ADD2: variants seen among roughly 807,000 people sequenced by gnomAD.
ADD2 encodes beta-adducin.
In ADD2, 23 loss-of-function variants were observed where a neutral mutation model predicts 83.0. The observed-to-expected ratio is 0.28, with a 90% confidence interval of 0.20 to 0.39. The LOEUF is 0.39. ADD2 is among the 10% of genes least tolerant of loss of function. The probability of loss-of-function intolerance (pLI) is 1.00; values close to 1 mark genes in which losing one functional copy is unlikely to be tolerated. For synonymous variants in ADD2, 375 were observed against 375.4 expected, an observed-to-expected ratio of 1.00 and a Z score of 0.01; for missense variants, 758 against 944.9, an observed-to-expected ratio of 0.80 and a Z score of 2.59.
intron 1 of ADD2, among the ~76,000 whole-genome samples, chr2:70,752,505 A>G (rs1231016116): frequency 6.6e-6 from 1 of 152,202 alleles, no homozygotes; most frequent in Non-Finnish European, 1.5e-5. Context: ...AGCTACTACT[A>G]TTATAATGGA....
At position 70,690,862 on chromosome 2, in the gene ADD2, T is replaced by C. The variant is rs1553371437; in HGVS notation, c.773A>G (p.Tyr258Cys). ...CTCCATTTCCCCATTGAAGTCATAATAGGCCATGTCCCCCACCAGCAGGGC... is the reference window on the plus strand; with the variant it reads ...CTCCATTTCCCCATTGAAGTCATAACAGGCCATGTCCCCCACCAGCAGGGC... ...HNALLVGDMAYYDFNGEMEQE... is the reference protein window; with the variant it reads ...HNALLVGDMACYDFNGEMEQE... The change falls in exon 8 of 16, where the codon TAT (tyrosine) becomes TGT (cysteine). Residue 258 changes from tyrosine to cysteine, a missense_variant. Tyr to Cys is a radical substitution (Grantham distance 194). Transcript: ENST00000264436. 1.2e-6 allele frequency: 2 copies of C among 1,614,170 alleles called. No homozygotes were observed. Among genetic ancestry groups the C allele is most frequent in the East Asian group, 2.2e-5 (1 of 44,874 alleles).
intron 6 of ADD2, among the ~76,000 whole-genome samples, chr2:70,694,365 G>A (rs144815510): frequency 6.6e-6 from 1 of 152,142 alleles, no homozygotes; most frequent in African/African-American, 2.4e-5. Flanking sequence ...CTTTCAGAGT[G>A]ATCTTTCTAC....
At chr2:70,699,466 A>G (rs1339227765) in intron 4 of ADD2, among the ~76,000 whole-genome samples, 1 of 152,186 alleles carries the variant, frequency 6.6e-6, no homozygotes, top group African/African-American at 2.4e-5. Context: ...TCAGATGGCA[A>G]TGCTATAGGA....
At chr2:70,671,362 C>G (rs1191470563) in intron 15 of ADD2, among the ~76,000 whole-genome samples, 1 of 152,050 alleles carries the variant, frequency 6.6e-6, no homozygotes, top group Non-Finnish European at 1.5e-5. Context: ...GTGTGTATAT[C>G]CACATCTCAT....
In ADD2 at chr2:70,676,272, C is replaced by G. The variant is rs1430342278; in HGVS notation, c.1593+524G>C. 3.0e-6 allele frequency: 3 copies of G among 992,792 alleles called. No homozygotes were observed. The highest frequency in any genetic ancestry group is 2.4e-6 in the Non-Finnish European group (2 of 835,230). 61.5% of individuals were successfully genotyped at this position (992,792 alleles called of 1,614,324 possible). ...CAAAAACAATTACAATACTTTCTAA[C>G]TCAATGTGGGTTTGTGTGGGTAATA... On this transcript the variant is annotated intron_variant, in intron 13 of 15. Transcript: ENST00000264436. The surrounding 1 kb of genome is among the most constrained non-coding windows in gnomAD (Gnocchi z 4.8).
intron 15 of ADD2, among the ~76,000 whole-genome samples, chr2:70,664,794 T>C (rs1675701165): frequency 6.6e-6 from 1 of 151,618 alleles, no homozygotes; most frequent in East Asian, 1.9e-4. Flanking sequence ...TTGTGTGTGG[T>C]GTAAGTGTGT....
intron 15 of ADD2, among the ~76,000 whole-genome samples, chr2:70,665,315 T>C (rs782800115): frequency 6.6e-5 from 10 of 152,142 alleles, no homozygotes; most frequent in Non-Finnish European, 1.2e-4. Context: ...CTCCTGACAC[T>C]GCTGGGCAAG....
At chr2:70,684,514 G>T (rs917929342) in intron 9 of ADD2, among the ~76,000 whole-genome samples, 5 of 152,188 alleles carry the variant, frequency 3.3e-5, no homozygotes, top group African/African-American at 1.2e-4. Flanking sequence ...CTCCCAATGT[G>T]CTGGGATTAC....
At chr2:70,736,194 A>G (rs1673549934) in intron 1 of ADD2, among the ~76,000 whole-genome samples, 1 of 152,184 alleles carries the variant, frequency 6.6e-6, no homozygotes, top group Non-Finnish European at 1.5e-5. Context: ...CATAAAGACT[A>G]TGTCACAAAG....
chr2:70,724,478 C>T (rs1672881665), intron 1 of ADD2, among the ~76,000 whole-genome samples: 1 of 152,302 alleles, frequency 6.6e-6, no homozygotes, highest in African/African-American at 2.4e-5. Flanking sequence ...TGCCCCCGCC[C>T]ACCCTCACAC....
intron 1 of ADD2, among the ~76,000 whole-genome samples, chr2:70,719,572 A>G (rs1033652445): frequency 1.3e-5 from 2 of 152,196 alleles, no homozygotes; most frequent in African/African-American, 2.4e-5. Context: ...TGATGGAGAG[A>G]CAGTGCTGAG....
intron 1 of ADD2, among the ~76,000 whole-genome samples, chr2:70,730,875 G>A (rs1673246967): frequency 6.6e-6 from 1 of 152,210 alleles, no homozygotes; most frequent in Admixed American, 6.5e-5. Flanking sequence ...GGAGCAATAG[G>A]CTATACCATA....
At chr2:70,738,276 G>A (rs1574307592) in intron 1 of ADD2, among the ~76,000 whole-genome samples, 1 of 152,086 alleles carries the variant, frequency 6.6e-6, no homozygotes, top group South Asian at 2.1e-4. Context: ...AAAAACCAAC[G>A]TCAATTCACA....
In ADD2 at chr2:70,676,259, C is replaced by G. The variant is rs147970409; in HGVS notation, c.1593+537G>C. The G allele has an allele frequency of 1.1e-3, 1,126 of 990,048 alleles. 47 individuals carry two copies. The Admixed American group carries it at 0.062, about 54-fold the overall frequency. 61.3% of individuals were successfully genotyped at this position (990,048 alleles called of 1,614,324 possible). ...TCTATCTCAAGCACAAAAACAATTA[C>G]AATACTTTCTAACTCAATGTGGGTT... On this transcript the variant is annotated intron_variant, in intron 13 of 15. Coordinates refer to ENST00000264436, the MANE Select transcript of ADD2 (RefSeq NM_001617.4). The surrounding 1 kb of genome is among the most constrained non-coding windows in gnomAD (Gnocchi z 4.8).
In ADD2 at chr2:70,683,584, G is replaced by C. The variant is rs782084719; in HGVS notation, c.1125+7C>G. 1.2e-6 allele frequency: 2 copies of C among 1,606,768 alleles called. No individual in the cohort carries two copies. The highest frequency in any genetic ancestry group is 2.7e-5 in the African/African-American group (2 of 74,796). On this transcript the variant is annotated splice_region_variant and intron_variant, in intron 10 of 15. Transcript: ENST00000264436. ...CTGGCCTGGAAGGGCAATGGCAGGA[G>C]ACTCACCAGGTTGTCCAGCATCCTC...
intron 7 of ADD2, 36 bp from the exon 8 acceptor site, chr2:70,690,965 C>G: frequency 6.3e-7 from 1 of 1,587,928 alleles, no homozygotes. Flanking sequence ...CACCTGCAGC[C>G]CTCCCTGCCC....
At chr2:70,670,837 T>C (rs1669865341) in intron 15 of ADD2, among the ~76,000 whole-genome samples, 1 of 152,220 alleles carries the variant, frequency 6.6e-6, no homozygotes, top group African/African-American at 2.4e-5. Context: ...ATGCAGGGTC[T>C]GCTCCAAGGT....
intron 1 of ADD2, among the ~76,000 whole-genome samples, chr2:70,715,788 G>A (rs1380605180): frequency 6.6e-6 from 1 of 150,446 alleles, no homozygotes; most frequent in East Asian, 2.0e-4. Context: ...TACCAACCAG[G>A]CATCCCACCA....
chr2:70,730,370 A>G (rs1001878253), intron 1 of ADD2, among the ~76,000 whole-genome samples: 1 of 152,262 alleles, frequency 6.6e-6, no homozygotes, highest in Non-Finnish European at 1.5e-5. Context: ...TATGGGCCAA[A>G]ATTAGTCACA....
Sources: allele counts gnomAD v4.1 joint callset (sites outside exome capture counted in the v4.1 genomes callset), GRCh38; gene constraint gnomAD v4.1.1; non-coding constraint Gnocchi (gnomAD v3.1); transcripts MANE v1.5; gene names NCBI Gene and HGNC (gene_info 2026-07-23, HGNC 2026-07-21).